The following ITSN1 variants were observed in gnomAD, a reference collection of about 807,000 sequenced individuals.
The protein encoded by ITSN1 is intersectin-1.
ITSN1 carries 58 observed loss-of-function variants against 239.8 expected under a neutral mutation model. The ratio of observed to expected loss-of-function variants is 0.24; its 90% confidence interval spans 0.20 to 0.30. The LOEUF is 0.30. Among genes scored for constraint, ITSN1 ranks in the 10% least tolerant of loss-of-function variants. The pLI, the probability that ITSN1 is intolerant of heterozygous loss-of-function variation, is 1.00. For missense variants in ITSN1, 1,558 were observed against 2,103.3 expected (o/e 0.74, Z 5.07); for synonymous variants, 780 against 770.8 (o/e 1.01, Z -0.20).
At chr21:33,697,159 T>C (rs1470905522) in intron 1 of ITSN1, among the ~76,000 whole-genome samples, 3 of 151,360 alleles carry the variant, frequency 2.0e-5, no homozygotes, top group African/African-American at 4.9e-5. Flanking sequence ...CTCGGCTCAC[T>C]GCAACCTCTA....
Position 33,811,121 on chromosome 21 carries a change from C to G in ITSN1, c.2466C>G (p.Ala822=). ...AACCAGTGACTGATTCAACATCTGC[C>G]CCTGCCCCCAAACTGGCCTTGCGTG... is the stretch of plus-strand genomic sequence containing the variant. ...PVKPVTDSTS[A]PAPKLALRET... is the part of the protein sequence containing the mutation. Residue 822 remains alanine, a synonymous_variant, in exon 21 of 40, where the codon GCC becomes GCG. Coordinates refer to ENST00000381318, the MANE Select transcript of ITSN1 (RefSeq NM_003024.3). 1 of 1,614,114 alleles carries G rather than the reference C, an allele frequency of 6.2e-7. No individual in the cohort carries two copies. Among genetic ancestry groups the G allele is most frequent in the Non-Finnish European group, 8.5e-7 (1 of 1,180,016 alleles).
intron 16 of ITSN1, among the ~76,000 whole-genome samples, chr21:33,783,153 A>G (rs1366097694): frequency 6.6e-6 from 1 of 152,240 alleles, no homozygotes; most frequent in Non-Finnish European, 1.5e-5. Flanking sequence ...ATTGGATGTT[A>G]TACTTTTTTC....
rs1986312850 is a variant in ITSN1 at position 33,890,822 on chromosome 21, C to T, written c.*2522C>T. 6.6e-6 allele frequency: 1 copy of T among 152,438 alleles called. No individual in the cohort carries two copies. The highest frequency in any genetic ancestry group is 1.5e-5 in the Non-Finnish European group (1 of 68,162). 9.4% of individuals were successfully genotyped at this position (152,438 alleles called of 1,614,324 possible). The stretch of plus-strand genomic sequence containing the variant: ...TTTGTTTTCTAAATATAGGAGTTCT[C>T]TAGGCCACTGCATCCCGGCATCCTG... On this transcript the variant is annotated 3_prime_UTR_variant, in exon 40 of 40. Coordinates refer to ENST00000381318, the MANE Select transcript of ITSN1 (RefSeq NM_003024.3).
intron 5 of ITSN1, among the ~76,000 whole-genome samples, chr21:33,741,334 C>T (rs890422875): frequency 3.3e-5 from 5 of 152,104 alleles, no homozygotes; most frequent in African/African-American, 1.2e-4. Context: ...AAGAAAAACA[C>T]ATTAAAAATA....
At chr21:33,768,594 A>G (rs1487823138) in intron 11 of ITSN1, among the ~76,000 whole-genome samples, 8 of 152,146 alleles carry the variant, frequency 5.3e-5, no homozygotes, top group Non-Finnish European at 1.2e-4. Flanking sequence ...CCTATTTTAA[A>G]TAATACTCAT....
intron 1 of ITSN1, among the ~76,000 whole-genome samples, chr21:33,661,461 T>C (rs910062513): frequency 1.3e-5 from 2 of 152,028 alleles, no homozygotes; most frequent in Non-Finnish European, 2.9e-5. Flanking sequence ...TGTGAGTGTT[T>C]GGCAGTGAAG....
intron 5 of ITSN1, among the ~76,000 whole-genome samples, chr21:33,747,844 G>T (rs1242109635): frequency 6.6e-6 from 1 of 152,146 alleles, no homozygotes; most frequent in Non-Finnish European, 1.5e-5. Flanking sequence ...AGACTTTCAG[G>T]ATGAAATGAA....
chr21:33,664,790 A>G (rs1435949161), intron 1 of ITSN1, among the ~76,000 whole-genome samples: 1 of 152,222 alleles, frequency 6.6e-6, no homozygotes, highest in African/African-American at 2.4e-5. Flanking sequence ...TTTATAATTT[A>G]AGATACGAAT....
chr21:33,661,615 G>A (rs2089561987), intron 1 of ITSN1, among the ~76,000 whole-genome samples: 1 of 152,072 alleles, frequency 6.6e-6, no homozygotes, highest in African/African-American at 2.4e-5. Context: ...ATATGGTTTG[G>A]CTGTGTCCCC....
chr21:33,756,557 GTATCT>G (rs2067933708), intron 8 of ITSN1, among the ~76,000 whole-genome samples: 1 of 152,062 alleles, frequency 6.6e-6, no homozygotes, highest in Admixed American at 6.6e-5. Flanking sequence ...AAGAAAAAAG[GTATCT>G]TATGTTTAAA....
At position 33,811,083 on chromosome 21, in the gene ITSN1, C is replaced by T. The variant is rs2148188482; in HGVS notation, c.2428C>T (p.Pro810Ser). Residue 810 changes from proline (P) to serine (S), a missense_variant, in exon 21 of 40, where the codon CCC becomes TCC. Coordinates refer to ENST00000381318, the MANE Select transcript of ITSN1 (RefSeq NM_003024.3). ...AGAGAAAATCCCAGAAAATGAGGTT[C>T]CCGCTCCAGTGAAACCAGTGACTGA... ...YAEKIPENEV[P>S]APVKPVTDST... is the part of the protein sequence containing the mutation. The T allele has an allele frequency of 1.2e-6, 2 of 1,614,196 alleles. No homozygotes were observed. The highest frequency in any genetic ancestry group is 8.5e-7 in the Non-Finnish European group (1 of 1,180,036).
intron 17 of ITSN1, among the ~76,000 whole-genome samples, chr21:33,796,732 G>A (rs1036928279): frequency 6.6e-6 from 1 of 152,216 alleles, no homozygotes; most frequent in East Asian, 1.9e-4. Context: ...TATATGGGGA[G>A]CTAGTTATTA....
chr21:33,744,901 A>G (rs990134778), intron 5 of ITSN1, among the ~76,000 whole-genome samples: 7 of 152,252 alleles, frequency 4.6e-5, no homozygotes, highest in African/African-American at 1.4e-4. Context: ...CATTACCTTG[A>G]AAACAGGTAA....
At chr21:33,682,774 G>A (rs565068290) in intron 1 of ITSN1, among the ~76,000 whole-genome samples, 27 of 152,090 alleles carry the variant, frequency 1.8e-4, no homozygotes, top group South Asian at 1.2e-3. Context: ...CACTCACCTC[G>A]GCTGCCCAAA....
At chr21:33,872,552 GAC>G (rs1982930499) in intron 33 of ITSN1, among the ~76,000 whole-genome samples, 1 of 151,740 alleles carries the variant, frequency 6.6e-6, no homozygotes, top group Non-Finnish European at 1.5e-5. Flanking sequence ...TTTTTTTTGA[GAC>G]AGAGTCTCGC....
At chr21:33,825,168 A>G (rs1176382940) in intron 25 of ITSN1, among the ~76,000 whole-genome samples, 5 of 152,220 alleles carry the variant, frequency 3.3e-5, no homozygotes, top group Non-Finnish European at 5.9e-5. Context: ...TAATAAAACC[A>G]TCCGAAATAA....
intron 9 of ITSN1, among the ~76,000 whole-genome samples, chr21:33,764,564 G>T (rs1432021925): frequency 1.3e-5 from 2 of 152,144 alleles, no homozygotes; most frequent in African/African-American, 4.8e-5. Flanking sequence ...GGAATTTTAG[G>T]TAGAGCTGAC....
At chr21:33,788,024 A>G (rs2070804271) in intron 16 of ITSN1, among the ~76,000 whole-genome samples, 2 of 152,192 alleles carry the variant, frequency 1.3e-5, no homozygotes, top group South Asian at 4.1e-4. Flanking sequence ...AAAATTTAAT[A>G]AAAGATAATT....
chr21:33,650,030 G>GAA (rs1165691619), intron 1 of ITSN1, among the ~76,000 whole-genome samples: 2 of 89,972 alleles, frequency 2.2e-5, no homozygotes, highest in African/African-American at 8.0e-5. Flanking sequence ...CTCTGTCTCA[G>GAA]AAAAAAAAAA....
Sources: allele counts gnomAD v4.1 joint callset (sites outside exome capture counted in the v4.1 genomes callset), GRCh38; gene constraint gnomAD v4.1.1; transcripts MANE v1.5; gene names NCBI Gene and HGNC (gene_info 2026-07-23, HGNC 2026-07-21).